Variants in ATP9B observed in about 807,000 individuals in gnomAD.
ATP9B encodes the protein probable phospholipid-transporting ATPase IIB.
Under a neutral mutation model 146.1 loss-of-function variants are expected in ATP9B, and 110 were observed. The ratio of observed to expected loss-of-function variants is 0.75; its 90% CI spans 0.65 to 0.88. The LOEUF is 0.88. Among genes scored for constraint, ATP9B ranks in the 40% least tolerant of loss-of-function variants. The pLI is 0.00. For synonymous variants in ATP9B, 604 were observed against 569.7 expected, an observed-to-expected ratio of 1.06 and a Z score of -0.86; for missense variants, 1,499 against 1,496.4, an observed-to-expected ratio of 1.00 and a Z score of -0.03.
intron 4 of ATP9B, among the ~76,000 whole-genome samples, chr18:79,118,424 A>G (rs1342343172): frequency 4.0e-5 from 4 of 99,208 alleles, no homozygotes; most frequent in South Asian, 3.6e-4. Flanking sequence ...TTTTTGAGAC[A>G]GAGTCTTGGT....
chr18:79,120,109 A>T (rs548081134), intron 4 of ATP9B, among the ~76,000 whole-genome samples: 3 of 152,222 alleles, frequency 2.0e-5, no homozygotes, highest in Non-Finnish European at 4.4e-5. Context: ...TAAGCCCTTG[A>T]GTTCTTGCAT....
At chr18:79,304,024 A>G (rs961832381) in intron 14 of ATP9B, among the ~76,000 whole-genome samples, 1 of 152,208 alleles carries the variant, frequency 6.6e-6, no homozygotes, top group Non-Finnish European at 1.5e-5. Flanking sequence ...AGGATACTAC[A>G]TCAATATGTT....
intron 7 of ATP9B, among the ~76,000 whole-genome samples, chr18:79,169,825 CA>C (rs1206998244): frequency 1.3e-5 from 2 of 152,162 alleles, no homozygotes; most frequent in Non-Finnish European, 2.9e-5. Flanking sequence ...TGACCACAAT[CA>C]GAAGTTTCAG....
chr18:79,238,371 T>C (rs913904273), intron 11 of ATP9B, among the ~76,000 whole-genome samples: 1 of 152,060 alleles, frequency 6.6e-6, no homozygotes, highest in African/African-American at 2.4e-5. Context: ...AGGTGGTGAT[T>C]GTGGGCATCA....
intron 2 of ATP9B, among the ~76,000 whole-genome samples, chr18:79,105,514 C>T (rs997546675): frequency 6.6e-6 from 1 of 152,150 alleles, no homozygotes; most frequent in African/African-American, 2.4e-5. Context: ...GACCTGCTTT[C>T]TCATTTTTAT....
chr18:79,308,078 A>G (rs2096629006), intron 15 of ATP9B, among the ~76,000 whole-genome samples: 1 of 152,194 alleles, frequency 6.6e-6, no homozygotes, highest in Non-Finnish European at 1.5e-5. Flanking sequence ...GTTTATTACA[A>G]AAGAGCGCCA....
At chr18:79,160,840 C>T (rs1352696050) in intron 7 of ATP9B, among the ~76,000 whole-genome samples, 18 of 152,230 alleles carry the variant, frequency 1.2e-4, no homozygotes, top group African/African-American at 3.9e-4. Flanking sequence ...GGCGCGATCT[C>T]GGCTCACTGC....
chr18:79,302,780 G>GAC (rs1238482349), intron 13 of ATP9B, among the ~76,000 whole-genome samples: 1 of 152,158 alleles, frequency 6.6e-6, no homozygotes, highest in Non-Finnish European at 1.5e-5. Context: ...CATTCCAAGG[G>GAC]ACACACATAC....
At chr18:79,309,774 T>A (rs1489062092) in intron 15 of ATP9B, among the ~76,000 whole-genome samples, 1 of 152,164 alleles carries the variant, frequency 6.6e-6, no homozygotes, top group Non-Finnish European at 1.5e-5. Context: ...ACTCTGTGAA[T>A]ATGCTGAAAT....
At chr18:79,272,144 CAGA>C (rs1252383307) in intron 12 of ATP9B, among the ~76,000 whole-genome samples, 1 of 152,156 alleles carries the variant, frequency 6.6e-6, no homozygotes, top group Non-Finnish European at 1.5e-5. Flanking sequence ...AGCCCTTTGT[CAGA>C]TGAGTAGATT....
chr18:79,371,948 T>C (rs1390319052), intron 26 of ATP9B, among the ~76,000 whole-genome samples: 1 of 152,198 alleles, frequency 6.6e-6, no homozygotes, highest in Non-Finnish European at 1.5e-5. Flanking sequence ...TTCTCGAGTC[T>C]CCTCGTCTGT....
intron 6 of ATP9B, among the ~76,000 whole-genome samples, chr18:79,144,476 A>G (rs749305949): frequency 1.3e-5 from 2 of 152,144 alleles, no homozygotes; most frequent in Non-Finnish European, 2.9e-5. Flanking sequence ...GGAGTGTGCA[A>G]CCTAGGTCCC....
At chr18:79,164,482 G>A (rs1417746596) in intron 7 of ATP9B, among the ~76,000 whole-genome samples, 6 of 152,092 alleles carry the variant, frequency 3.9e-5, no homozygotes, top group African/African-American at 7.2e-5. Flanking sequence ...TTGGGAGGCC[G>A]AGGCAGGCGG....
intron 23 of ATP9B, 21 bp from the exon 24 acceptor site, chr18:79,347,749 C>A: frequency 6.6e-7 from 1 of 1,517,560 alleles, no homozygotes; most frequent in South Asian, 1.3e-5. Context: ...TTTGAAAAGG[C>A]CCCGTGTGCT....
chr18:79,356,408 G>C lies in ATP9B; in HGVS notation c.2904-2946G>C, dbSNP rs2096953451. Among the ~76,000 whole-genome samples, 4 of 152,120 alleles carry C rather than the reference G, an allele frequency of 2.6e-5. No homozygotes were observed. The South Asian group carries it at 8.3e-4, about 32-fold the overall frequency. ...TCGGCACTCCTGTCCAAAATAAATG[G>C]AAACTTCACCAAAAAACCTGTGCAG... On this transcript the variant is annotated intron_variant, in intron 25 of 29. Coordinates refer to ENST00000426216, the MANE Select transcript of ATP9B (RefSeq NM_198531.5).
chr18:79,157,207 T>TAC (rs147810207), intron 7 of ATP9B, among the ~76,000 whole-genome samples: 19,706 of 135,110 alleles, frequency 0.15, 1,512 homozygotes, highest in African/African-American at 0.22. Context: ...CTAAAAAAAA[T>TAC]ACACACACAC....
chr18:79,370,417 G>A (rs564270567), intron 26 of ATP9B, among the ~76,000 whole-genome samples: 8 of 152,254 alleles, frequency 5.3e-5, no homozygotes, highest in East Asian at 1.9e-4. Context: ...CCACACATAC[G>A]GGGACATCAG....
Position 79,118,384 on chromosome 18 carries a change from G to GTTTTTTTTTTTTTTTTTTTTTTTTTTT in ATP9B, c.558+5035_558+5036insTTTTTTTTTTTTTTTTTTTTTTTTTTT, listed in dbSNP as rs1304879263. On this transcript the variant is annotated intron_variant, in intron 4 of 29. Coordinates refer to ENST00000426216, the MANE Select transcript of ATP9B (RefSeq NM_198531.5). ...ATTTTAAAACACAATCATATTGAAC[G>GTTTTTTTTTTTTTTTTTTTTTTTTTTT]TTTTTGTTTTTTTTTTTTTTTTTTT... Among the ~76,000 whole-genome samples the GTTTTTTTTTTTTTTTTTTTTTTTTTTT allele has an allele frequency of 4.1e-5, 3 of 73,490 alleles. 1 individual carries two copies. Among genetic ancestry groups the GTTTTTTTTTTTTTTTTTTTTTTTTTTT allele is most frequent in the African/African-American group, 1.1e-4 (2 of 18,676 alleles). The allele number at this position is 73,490 out of a possible 152,430, so 48.2% of individuals were successfully genotyped here.
At chr18:79,309,760 C>T (rs575246206) in intron 15 of ATP9B, among the ~76,000 whole-genome samples, 30 of 152,208 alleles carry the variant, frequency 2.0e-4, no homozygotes, top group African/African-American at 5.1e-4. Context: ...GTGTTGGTTA[C>T]GCAACTCTGT....
Sources: gnomAD v4.1 joint callset for allele counts (sites outside exome capture counted in the v4.1 genomes callset) on GRCh38, gnomAD v4.1.1 for gene constraint, MANE v1.5 for transcripts, NCBI Gene and HGNC (gene_info 2026-07-23, HGNC 2026-07-21) for gene names.